Variants in CDC14A observed in about 807,000 individuals in gnomAD.
CDC14A encodes cell division cycle 14A, also known as dual specificity protein phosphatase CDC14A.
A neutral mutation model predicts 74.4 loss-of-function variants in CDC14A; 53 were observed. The observed-to-expected ratio is 0.71, with a 90% CI of 0.57 to 0.89. CDC14A has a LOEUF of 0.89. CDC14A is among the 40% of genes least tolerant of loss of function. The pLI, the probability that CDC14A is intolerant of heterozygous loss-of-function variation, is 0.00. For missense variants in CDC14A, 646 were observed against 713.7 expected (o/e 0.91, Z 1.08); for synonymous variants, 247 against 258.4 (o/e 0.96, Z 0.43).
intron 3 of CDC14A, among the ~76,000 whole-genome samples, chr1:100,388,587 A>G (rs560080092): frequency 1.1e-4 from 16 of 152,292 alleles, no homozygotes; most frequent in Admixed American, 7.2e-4. Context: ...TGAGTCAAAT[A>G]CTAATTTTTT....
At chr1:100,518,220 T>G (rs1650400623) in intron 15 of CDC14A, 31 bp from the exon 16 acceptor site, 2 of 1,588,186 alleles carry the variant, frequency 1.3e-6, no homozygotes, top group East Asian at 4.5e-5. Context: ...GTGATGGAAT[T>G]TAACCTCAGT....
Position 100,420,057 on chromosome 1 carries a change from C to CATATATAT in CDC14A, c.310-4164_310-4163insTATATATA, listed in dbSNP as rs1383225482. Among the ~76,000 whole-genome samples the CATATATAT allele has an allele frequency of 8.4e-3, 255 of 30,514 alleles. 4 individuals carry two copies. Among genetic ancestry groups the CATATATAT allele is most frequent in the Middle Eastern group, 0.03 (2 of 66 alleles). The allele number at this position is 30,514 out of a possible 152,430, so 20.0% of individuals were successfully genotyped here. A position where few individuals can be genotyped will look rare whatever the true frequency, so the allele number is the denominator to read the frequency against. ...ACACACACACACACACACACACACACACACACATATATATATATATATATA... is the reference window on the plus strand; with the variant it reads ...ACACACACACACACACACACACACACATATATATACACACATATATATATATATATATA... On this transcript the variant is annotated intron_variant, in intron 4 of 15. Transcript: ENST00000336454.
intron 2 of CDC14A, among the ~76,000 whole-genome samples, chr1:100,355,948 G>A (rs1570938407): frequency 6.6e-6 from 1 of 152,332 alleles, no homozygotes; most frequent in African/African-American, 2.4e-5. Flanking sequence ...GTTCAGCAAA[G>A]GCTTCGTGGA....
chr1:100,360,078 G>A (rs1389450974), intron 2 of CDC14A, among the ~76,000 whole-genome samples: 2 of 150,298 alleles, frequency 1.3e-5, no homozygotes, highest in Non-Finnish European at 3.0e-5. Context: ...GAGTAGCTGG[G>A]ATTACAGGCG....
chr1:100,390,217 T>G (rs1657493210), intron 3 of CDC14A, among the ~76,000 whole-genome samples: 1 of 152,188 alleles, frequency 6.6e-6, no homozygotes, highest in Non-Finnish European at 1.5e-5. Flanking sequence ...ACCAAGTATT[T>G]TCAGATATTA....
chr1:100,417,312 C>T (rs1254040025), intron 4 of CDC14A, among the ~76,000 whole-genome samples: 1 of 152,206 alleles, frequency 6.6e-6, no homozygotes, highest in Non-Finnish European at 1.5e-5. Flanking sequence ...TCCTTGAAGT[C>T]AGTGTCTTTA....
At chr1:100,459,122 CACACAGAGAG>C (rs1259613447) in intron 8 of CDC14A, among the ~76,000 whole-genome samples, 3 of 146,620 alleles carry the variant, frequency 2.0e-5, no homozygotes, top group African/African-American at 5.1e-5. Flanking sequence ...CACACACACA[CACACAGAGAG>C]AGAGAGAGAG....
intron 4 of CDC14A, chr1:100,393,646 G>T: frequency 1.7e-6 from 1 of 584,536 alleles, no homozygotes; most frequent in Non-Finnish European, 3.2e-6. Flanking sequence ...TCATAACCTT[G>T]ATCAAAATAT....
At position 100,438,807 on chromosome 1, in the gene CDC14A, A is replaced by G. The variant is rs28361227; in HGVS notation, c.390-1125A>G. On this transcript the variant is annotated intron_variant, in intron 5 of 15. Transcript: ENST00000336454. Reference sequence around the variant, plus strand: ...GGTTCAAGTGACCTTGAATGGTTGTAAAAGTTGGTTTTATGTTAATTATAC... The same window carrying G: ...GGTTCAAGTGACCTTGAATGGTTGTGAAAGTTGGTTTTATGTTAATTATAC... Among the ~76,000 whole-genome samples the G allele has an allele frequency of 1.8e-3, 271 of 152,346 alleles. 1 individual carries two copies. Among genetic ancestry groups the G allele is most frequent in the Non-Finnish European group, 3.4e-3 (230 of 68,030 alleles).
At chr1:100,476,446 GA>G (rs199500091) in intron 10 of CDC14A, among the ~76,000 whole-genome samples, 8 of 150,620 alleles carry the variant, frequency 5.3e-5, no homozygotes, top group East Asian at 1.9e-4. Context: ...GGACTCTGTT[GA>G]AAAAAAAATC....
chr1:100,381,620 G>A (rs749539199), intron 3 of CDC14A, among the ~76,000 whole-genome samples: 19 of 152,042 alleles, frequency 1.2e-4, no homozygotes, highest in Non-Finnish European at 2.2e-4. Flanking sequence ...TCCAGTTGAT[G>A]ATTTGAGTTG....
chr1:100,353,988 C>A, intron 2 of CDC14A, 136 bp downstream of exon 2: 1 of 646,704 alleles, frequency 1.5e-6, no homozygotes, highest in Non-Finnish European at 2.7e-6. Context: ...TTTTAAGACT[C>A]AGGTGCCTGG....
chr1:100,373,250 A>G (rs369995736), intron 2 of CDC14A, among the ~76,000 whole-genome samples: 2 of 152,304 alleles, frequency 1.3e-5, no homozygotes, highest in African/African-American at 4.8e-5. Flanking sequence ...GGGAATAGGG[A>G]GGTCCAAGGA....
At position 100,499,015 on chromosome 1, in the gene CDC14A, C is replaced by A. The variant is rs781353185; in HGVS notation, c.1508C>A (p.Ser503Tyr). The A allele has an allele frequency of 1.5e-5, 24 of 1,614,066 alleles. No homozygotes were observed. In the South Asian group the frequency reaches 2.0e-4, roughly 13 times the overall value. Residue 503 changes from serine (S) to tyrosine (Y), a missense_variant, in exon 15 of 16, where the codon TCC becomes TAC. By Grantham distance (144) the Ser-to-Tyr change is moderately radical. Transcript: ENST00000336454. ...DDPENKKTSS[S>Y]SKAGFTASPF... ...CCAGAGAACAAAAAGACCTCCTCAT[C>A]CTCTAAGGCAGGCTTCACAGCCAGC... is the stretch of plus-strand genomic sequence containing the variant.
At chr1:100,470,397 T>C (rs1210990908) in intron 10 of CDC14A, among the ~76,000 whole-genome samples, 1 of 151,698 alleles carries the variant, frequency 6.6e-6, no homozygotes, top group African/African-American at 2.4e-5. Context: ...GGGTGTCTAC[T>C]CTCACTACTT....
At chr1:100,353,101 C>T in intron 1 of CDC14A, 98 bp downstream of exon 1, 1 of 1,335,694 alleles carries the variant, frequency 7.5e-7, no homozygotes. Context: ...CTGCCAGTGT[C>T]CTGCAGCCGC....
In CDC14A at chr1:100,468,007, A is replaced by G. The variant is rs558346006; in HGVS notation, c.890A>G (p.Tyr297Cys). 5.0e-6 allele frequency: 8 copies of G among 1,611,958 alleles called. No homozygotes were observed. Among genetic ancestry groups the G allele is most frequent in the Middle Eastern group, 1.7e-4 (1 of 6,054 alleles). ...ATAGCCTGTTATGTAATGAAACACT[A>G]CAGGTTTACACATGCTGAAATAATT... ...TLIACYVMKH[Y>C]RFTHAEIIAW... The change falls in exon 10 of 16, where the codon TAC (tyrosine) becomes TGC (cysteine). Residue 297 changes from tyrosine to cysteine, a missense_variant. Transcript: ENST00000336454.
chr1:100,459,122 C>CAGAGAGAGAGAGAGAGAGAGAG (rs1474410623), intron 8 of CDC14A, among the ~76,000 whole-genome samples: 32 of 146,716 alleles, frequency 2.2e-4, no homozygotes, highest in African/African-American at 7.9e-4. Flanking sequence ...CACACACACA[C>CAGAGAGAGAGAGAGAGAGAGAG]ACACAGAGAG....
intron 4 of CDC14A, among the ~76,000 whole-genome samples, chr1:100,412,752 AT>A (rs1284498268): frequency 9.9e-6 from 1 of 101,328 alleles, no homozygotes; most frequent in African/African-American, 6.4e-5. Context: ...ATATATATAT[AT>A]TTTATATATA....
Sources: gnomAD v4.1 joint callset for allele counts (sites outside exome capture counted in the v4.1 genomes callset) on GRCh38, gnomAD v4.1.1 for gene constraint, MANE v1.5 for transcripts, NCBI Gene and HGNC (gene_info 2026-07-23, HGNC 2026-07-21) for gene names.